The following ADAM10 variants were observed in gnomAD, a reference collection of about 807,000 sequenced individuals.
ADAM10 encodes the protein ADAM metallopeptidase domain 10, also known as disintegrin and metalloproteinase domain-containing protein 10.
In ADAM10, 17 loss-of-function variants were observed where a neutral mutation model predicts 90.1. That is an observed-to-expected ratio of 0.19 (90% CI 0.13 to 0.28). The LOEUF (loss-of-function observed/expected upper bound fraction) is 0.28, where lower values mean the gene tolerates loss of function less well. Ranked by LOEUF, ADAM10 falls within the 10% of genes least tolerant of loss-of-function variation. The pLI is 1.00. For missense variants in ADAM10, 610 were observed against 914.3 expected (o/e 0.67, Z 4.29); for synonymous variants, 310 against 298.6 (o/e 1.04, Z -0.40).
At position 58,597,469 on chromosome 15, in the gene ADAM10, T is replaced by C. The variant is rs1894989475; in HGVS notation, c.*78A>G. 1 of 1,609,156 alleles carries C rather than the reference T, an allele frequency of 6.2e-7. No individual in the cohort carries two copies. Among genetic ancestry groups the C allele is most frequent in the Non-Finnish European group, 8.5e-7 (1 of 1,177,516 alleles). ...TACTTGTGAGGGTTTAGTTTGGAGA[T>C]GATGACTTAATAGGTTTCTCTTTGG... is the stretch of plus-strand genomic sequence containing the variant. On this transcript the variant is annotated 3_prime_UTR_variant, in exon 16 of 16. Coordinates refer to ENST00000260408, the MANE Select transcript of ADAM10 (RefSeq NM_001110.4).
At chr15:58,610,569 G>A (rs768676929) in intron 13 of ADAM10, 52 bp from the exon 14 acceptor site, 4 of 1,554,714 alleles carry the variant, frequency 2.6e-6, no homozygotes, top group Non-Finnish European at 3.5e-6. Flanking sequence ...AATATAAGTT[G>A]AAGATCAGAT....
chr15:58,741,769 C>G (rs1241793268), intron 1 of ADAM10, among the ~76,000 whole-genome samples: 1 of 152,164 alleles, frequency 6.6e-6, no homozygotes, highest in Non-Finnish European at 1.5e-5. Flanking sequence ...TAATCCAAGA[C>G]TCAATCACCC....
At chr15:58,658,378 G>A (rs1045310669) in intron 5 of ADAM10, among the ~76,000 whole-genome samples, 2 of 152,106 alleles carry the variant, frequency 1.3e-5, no homozygotes, top group Non-Finnish European at 2.9e-5. Flanking sequence ...AGGTCAAGAT[G>A]ACACTATCTT....
chr15:58,683,859 C>CAAAAAAAAAAAAA (rs71425819), intron 2 of ADAM10, among the ~76,000 whole-genome samples: 2 of 67,250 alleles, frequency 3.0e-5, no homozygotes, highest in East Asian at 2.9e-4. Context: ...GGCTCCATCT[C>CAAAAAAAAAAAAA]AAAAAAAAAA....
chr15:58,748,570 A>AG (rs1899867238), intron 1 of ADAM10: 1 of 203,054 alleles, frequency 4.9e-6, no homozygotes. Flanking sequence ...TTTCATGTGC[A>AG]GGGGGGAGGG....
chr15:58,643,629 CAGACT>C (rs1896470918), intron 7 of ADAM10, among the ~76,000 whole-genome samples: 1 of 152,186 alleles, frequency 6.6e-6, no homozygotes, highest in African/African-American at 2.4e-5. Flanking sequence ...GTTAATCAGA[CAGACT>C]GAATACACAC....
intron 1 of ADAM10, among the ~76,000 whole-genome samples, chr15:58,729,714 A>G (rs1201192008): frequency 1.3e-5 from 2 of 152,222 alleles, no homozygotes; most frequent in African/African-American, 4.8e-5. Context: ...TTGTAATCCC[A>G]GCACTTTGGG....
In ADAM10 at chr15:58,597,424, G is replaced by T. The variant is rs1349871017; in HGVS notation, c.*123C>A. 7.7e-6 allele frequency: 12 copies of T among 1,565,048 alleles called. No individual in the cohort carries two copies. Among genetic ancestry groups the T allele is most frequent in the Non-Finnish European group, 1.0e-5 (12 of 1,153,490 alleles). ...ACCTGGTCTGAGGATATGATCTCTT[G>T]CCATTTTTTCTTCAACTGTTACTTG... On this transcript the variant is annotated 3_prime_UTR_variant, in exon 16 of 16. Coordinates refer to ENST00000260408, the MANE Select transcript of ADAM10 (RefSeq NM_001110.4).
intron 1 of ADAM10, chr15:58,732,619 A>G (rs1411607981): frequency 2.6e-5 from 4 of 152,158 alleles, no homozygotes; most frequent in Non-Finnish European, 5.9e-5. Context: ...GAGGCAGGAA[A>G]ATCACTTGAA....
intron 8 of ADAM10, among the ~76,000 whole-genome samples, chr15:58,637,050 GATGTAAT>G (rs1241873901): frequency 2.6e-5 from 4 of 152,196 alleles, no homozygotes; most frequent in Admixed American, 2.0e-4. Flanking sequence ...ATATTTCAAT[GATGTAAT>G]TTTCCCAGCA....
chr15:58,712,487 C>A (rs981604029), intron 2 of ADAM10, among the ~76,000 whole-genome samples: 1 of 142,756 alleles, frequency 7.0e-6, no homozygotes, highest in Middle Eastern at 4.6e-3. Context: ...TCTCACCACT[C>A]TACCCTAGCC....
At chr15:58,742,322 A>C (rs1438731854) in intron 1 of ADAM10, among the ~76,000 whole-genome samples, 1 of 152,218 alleles carries the variant, frequency 6.6e-6, no homozygotes, top group Non-Finnish European at 1.5e-5. Flanking sequence ...ACCCCACATT[A>C]AGTGGAGGAG....
intron 1 of ADAM10, among the ~76,000 whole-genome samples, chr15:58,736,367 T>C (rs1457391423): frequency 1.3e-5 from 2 of 152,180 alleles, no homozygotes; most frequent in Admixed American, 1.3e-4. Context: ...TAGCATATAT[T>C]ACAGTCACAT....
At position 58,633,372 on chromosome 15, in the gene ADAM10, A is replaced by C; in HGVS notation, c.1013-13T>G. On this transcript the variant is annotated splice_polypyrimidine_tract_variant and intron_variant, in intron 8 of 15. Coordinates refer to ENST00000260408, the MANE Select transcript of ADAM10 (RefSeq NM_001110.4). ...CCTCCAGAGCTTCCTAATCCAGAACAAAAAAATGGCTAAATTAGTATCTGT... is the reference window on the plus strand; with the variant it reads ...CCTCCAGAGCTTCCTAATCCAGAACCAAAAAATGGCTAAATTAGTATCTGT... 1 of 1,610,516 alleles carries C rather than the reference A, an allele frequency of 6.2e-7. No homozygotes were observed. The highest frequency in any genetic ancestry group is 1.1e-5 in the South Asian group (1 of 90,928).
chr15:58,657,094 T>G (rs1331592854), intron 5 of ADAM10, among the ~76,000 whole-genome samples: 1 of 152,250 alleles, frequency 6.6e-6, no homozygotes, highest in Non-Finnish European at 1.5e-5. Context: ...GTTATTTGTT[T>G]CTTTTTTCTT....
chr15:58,654,284 T>C (rs1348985568), intron 5 of ADAM10, among the ~76,000 whole-genome samples: 2 of 152,244 alleles, frequency 1.3e-5, no homozygotes, highest in Non-Finnish European at 2.9e-5. Flanking sequence ...TGTTAGTGCA[T>C]TTATTTGAAG....
chr15:58,666,860 A>G (rs1897092847), intron 4 of ADAM10, among the ~76,000 whole-genome samples: 2 of 152,188 alleles, frequency 1.3e-5, no homozygotes, highest in Admixed American at 6.5e-5. Context: ...GTATTTATAT[A>G]TGCTTCAAAT....
chr15:58,667,590 T>C (rs1428233737), intron 4 of ADAM10, among the ~76,000 whole-genome samples: 1 of 152,120 alleles, frequency 6.6e-6, no homozygotes, highest in East Asian at 1.9e-4. Flanking sequence ...ATTAATTGAA[T>C]TTAAAATAGA....
At chr15:58,738,998 G>T (rs1899517001) in intron 1 of ADAM10, among the ~76,000 whole-genome samples, 1 of 151,956 alleles carries the variant, frequency 6.6e-6, no homozygotes, top group African/African-American at 2.4e-5. Flanking sequence ...TAAACCCATT[G>T]TCATTAACTC....
Sources: allele counts gnomAD v4.1 joint callset (sites outside exome capture counted in the v4.1 genomes callset), GRCh38; gene constraint gnomAD v4.1.1; transcripts MANE v1.5; gene names NCBI Gene and HGNC (gene_info 2026-07-23, HGNC 2026-07-21).